Variants in ADGRE1 observed in about 807,000 individuals in gnomAD.
ADGRE1 encodes the protein EGF-like module receptor 1.
In ADGRE1, 82 loss-of-function variants were observed where a neutral mutation model predicts 102.7. That is an observed-to-expected ratio of 0.80 (90% CI 0.67 to 0.96). ADGRE1 has a LOEUF of 0.96. ADGRE1 is among the 40% of genes least tolerant of loss of function. The pLI, the probability that ADGRE1 is intolerant of heterozygous loss-of-function variation, is 0.00. For synonymous variants in ADGRE1, 398 were observed against 399.6 expected, an observed-to-expected ratio of 1.00 and a Z score of 0.05; for missense variants, 1,032 against 1,085.3, an observed-to-expected ratio of 0.95 and a Z score of 0.69.
chr19:6,907,657 A>G (rs1974018363), intron 9 of ADGRE1, among the ~76,000 whole-genome samples: 1 of 152,024 alleles, frequency 6.6e-6, no homozygotes, highest in South Asian at 2.1e-4. Context: ...GAATATTTTT[A>G]TCACTAAGCA....
At chr19:6,914,340 A>C (rs1471074627) in intron 11 of ADGRE1, among the ~76,000 whole-genome samples, 1 of 152,236 alleles carries the variant, frequency 6.6e-6, no homozygotes, top group African/African-American at 2.4e-5. Context: ...AATATAGAAC[A>C]TGGCCTCAAG....
rs756118307 is a variant in ADGRE1, at chr19:6,913,812, G to T, written c.1282G>T (p.Val428Phe). The change falls in exon 11 of 21, where the codon GTT becomes TTT. Residue 428 changes from valine (V) to phenylalanine (F), a missense_variant. By Grantham distance (50) the Val-to-Phe change is conservative. Transcript: ENST00000312053. ...WKPSANITPA[V>F]RTEYLDIESK... ...ACCCTCAGCAAATATCACTCCGGCT[G>T]TTCGGACGGAATACTTAGGTAGGAG... 6.3e-7 allele frequency: 1 copy of T among 1,599,682 alleles called. No individual in the cohort carries two copies. Among genetic ancestry groups the T allele is most frequent in the Non-Finnish European group, 8.5e-7 (1 of 1,171,946 alleles).
In ADGRE1 at chr19:6,940,081, T is replaced by C. The variant is rs549693690; in HGVS notation, c.*52T>C. ...ATGGAGCCACAGTTGAGGACAGTAGTTTCCTGCAGGAGCCTACCCTGAAAT... is the reference window on the plus strand; with the variant it reads ...ATGGAGCCACAGTTGAGGACAGTAGCTTCCTGCAGGAGCCTACCCTGAAAT... On this transcript the variant is annotated 3_prime_UTR_variant, in exon 21 of 21. Transcript: ENST00000312053. The C allele has an allele frequency of 1.9e-6, 3 of 1,599,096 alleles. No individual in the cohort carries two copies. In the African/African-American group the frequency reaches 4.0e-5, roughly 21 times the overall value.
At chr19:6,921,989 G>T (rs971584556) in intron 14 of ADGRE1, 106 bp downstream of exon 14, 13 of 1,336,038 alleles carry the variant, frequency 9.7e-6, no homozygotes, top group Non-Finnish European at 1.3e-5. Context: ...GTTGGGTGTT[G>T]TGGGATGGAG....
At position 6,928,188 on chromosome 19, in the gene ADGRE1, G is replaced by A. The variant is rs955994591; in HGVS notation, c.2266G>A (p.Gly756Arg). ...TETGFIWSFLGPVCTVIVINS... is the reference protein window; with the variant it reads ...TETGFIWSFLRPVCTVIVINS... The stretch of plus-strand genomic sequence containing the variant: ...GACAGGGTTCATCTGGAGTTTCTTG[G>A]GGCCAGTTTGCACAGTTATAGTGGT... Residue 756 changes from glycine to arginine, a missense_variant, in exon 17 of 21, where the codon GGG becomes AGG. Physicochemically the swap from Gly to Arg is moderately radical, Grantham distance 125 (BLOSUM62 -2). Coordinates refer to ENST00000312053, the MANE Select transcript of ADGRE1 (RefSeq NM_001974.5). 6.2e-7 allele frequency: 1 copy of A among 1,613,958 alleles called. No individual in the cohort carries two copies. The highest frequency in any genetic ancestry group is 1.3e-5 in the African/African-American group (1 of 74,898).
intron 10 of ADGRE1, among the ~76,000 whole-genome samples, chr19:6,911,862 TAC>T (rs1197445045): frequency 6.1e-5 from 9 of 148,704 alleles, no homozygotes; most frequent in East Asian, 2.0e-4. Context: ...TTTACACACA[TAC>T]ACACACCCCA....
chr19:6,912,691 G>T (rs981108365), intron 10 of ADGRE1, among the ~76,000 whole-genome samples: 1 of 152,120 alleles, frequency 6.6e-6, no homozygotes, highest in Non-Finnish European at 1.5e-5. Context: ...CATTTTAACA[G>T]CTGTATGGCT....
At chr19:6,933,776 G>A (rs1016900235) in intron 17 of ADGRE1, among the ~76,000 whole-genome samples, 12 of 152,116 alleles carry the variant, frequency 7.9e-5, no homozygotes, top group South Asian at 4.1e-4. Context: ...ACATCCTACC[G>A]TGCACAAGGC....
intron 14 of ADGRE1, among the ~76,000 whole-genome samples, chr19:6,922,612 TCACACACACACACACACACACA>T (rs770150909): frequency 8.1e-6 from 1 of 123,156 alleles, no homozygotes; most frequent in Non-Finnish European, 1.8e-5. Flanking sequence ...AGACTCTGTC[TCACACACACACACACACACACA>T]CACACACACA....
chr19:6,898,501 A>C, intron 5 of ADGRE1: 2 of 1,568,058 alleles, frequency 1.3e-6, no homozygotes, highest in Non-Finnish European at 1.8e-6. Context: ...TCTTGAGTGG[A>C]TATCTATCAG....
intron 16 of ADGRE1, 150 bp from the exon 17 acceptor site, chr19:6,927,995 A>G: frequency 1.0e-6 from 1 of 957,902 alleles, no homozygotes; most frequent in Non-Finnish European, 1.5e-6. Context: ...AGTGATCTAA[A>G]GGAAACTGAA....
chr19:6,919,675 T>G lies in ADGRE1; in HGVS notation c.1548T>G (p.Val516=). Residue 516 remains valine, a synonymous_variant, in exon 13 of 21, where the codon GTT becomes GTG. Transcript: ENST00000312053. ...AGCTGAAGATGAATTCTCGAGTCGT[T>G]GGGGGCATAATGACTGGAGAGAAGA... ...EIKLKMNSRV[V]GGIMTGEKKD... is the part of the protein sequence containing the mutation. The G allele has an allele frequency of 6.2e-7, 1 of 1,613,258 alleles. No individual in the cohort carries two copies. The highest frequency in any genetic ancestry group is 8.5e-7 in the Non-Finnish European group (1 of 1,179,818).
In ADGRE1 at chr19:6,919,662, A is replaced by T; in HGVS notation, c.1535A>T (p.Asn512Ile). 1 of 1,613,506 alleles carries T rather than the reference A, an allele frequency of 6.2e-7. No individual in the cohort carries two copies. The highest frequency in any genetic ancestry group is 8.5e-7 in the Non-Finnish European group (1 of 1,179,930). The change falls in exon 13 of 21, where the codon AAT (asparagine) becomes ATT (isoleucine). Residue 512 changes from asparagine (N) to isoleucine (I), a missense_variant. Coordinates refer to ENST00000312053, the MANE Select transcript of ADGRE1 (RefSeq NM_001974.5). ...LTTSEIKLKM[N>I]SRVVGGIMTG... ...ACCTCTGAGATCAAGCTGAAGATGA[A>T]TTCTCGAGTCGTTGGGGGCATAATG...
rs375313651 is a variant in ADGRE1 at position 6,928,237 on chromosome 19, C to T, written c.2289+26C>T. ...GTAAGCAAATACTACAACAGCCTGG[C>T]GAAGTGTGTTCTGAAGGAGGAGCAA... On this transcript the variant is annotated intron_variant, in intron 17 of 20. Transcript: ENST00000312053. The T allele has an allele frequency of 7.0e-5, 113 of 1,614,028 alleles. No individual in the cohort carries two copies. In the African/African-American group the frequency reaches 1.1e-3, roughly 15 times the overall value.
rs1974924085 is a variant in ADGRE1 at position 6,926,618 on chromosome 19, C to T, written c.2222+17C>T. 6.2e-7 allele frequency: 1 copy of T among 1,613,010 alleles called. No individual in the cohort carries two copies. The highest frequency in any genetic ancestry group is 8.5e-7 in the Non-Finnish European group (1 of 1,178,978). On this transcript the variant is annotated intron_variant, in intron 16 of 20. Transcript: ENST00000312053. ...GCATAATCGGTGAGTGACATCCTCTCTCTTCCTGAAGACCCTGCTGCCAGG... is the reference window on the plus strand; with the variant it reads ...GCATAATCGGTGAGTGACATCCTCTTTCTTCCTGAAGACCCTGCTGCCAGG...
chr19:6,898,172 C>T lies in ADGRE1; in HGVS notation c.514+625C>T, dbSNP rs563384404. 24 of 717,638 alleles carry T rather than the reference C, an allele frequency of 3.3e-5. No individual in the cohort carries two copies. The East Asian group carries it at 6.4e-4, about 19-fold the overall frequency. The allele number at this position is 717,638 out of a possible 1,614,324, so 44.5% of individuals were successfully genotyped here. A position where few individuals can be genotyped will look rare whatever the true frequency, so the allele number is the denominator to read the frequency against. On this transcript the variant is annotated intron_variant, in intron 5 of 20. Coordinates refer to ENST00000312053, the MANE Select transcript of ADGRE1 (RefSeq NM_001974.5). The stretch of plus-strand genomic sequence containing the variant: ...GCTCAGATTCAAGATGGGGACGTAC[C>T]TTCCATTGCTTGACAGAAGAAGTAC...
In ADGRE1 at chr19:6,924,940, A is replaced by T; in HGVS notation, c.1986+68A>T. Reference sequence around the variant, plus strand: ...TCCCCACCTGCCTCAGCTCATTCCTAGCCAACTCCCTCTATCCCTGTTCCT... The same window carrying T: ...TCCCCACCTGCCTCAGCTCATTCCTTGCCAACTCCCTCTATCCCTGTTCCT... On this transcript the variant is annotated intron_variant, in intron 15 of 20. Coordinates refer to ENST00000312053, the MANE Select transcript of ADGRE1 (RefSeq NM_001974.5). 2 of 1,532,326 alleles carry T rather than the reference A, an allele frequency of 1.3e-6. 1 individual carries two copies. Among genetic ancestry groups the T allele is most frequent in the South Asian group, 2.4e-5 (2 of 84,370 alleles). 94.9% of individuals were successfully genotyped at this position (1,532,326 alleles called of 1,614,324 possible).
intron 5 of ADGRE1, 42 bp downstream of exon 5, chr19:6,897,589 T>G (rs772224809): frequency 6.7e-7 from 1 of 1,485,018 alleles, no homozygotes; most frequent in South Asian, 1.5e-5. Flanking sequence ...ACTTAATTAA[T>G]TAAGGGTCAT....
At chr19:6,899,389 T>G (rs1973686069) in intron 5 of ADGRE1, among the ~76,000 whole-genome samples, 1 of 152,100 alleles carries the variant, frequency 6.6e-6, no homozygotes, top group African/African-American at 2.4e-5. Flanking sequence ...TGGAAAAACC[T>G]TATTCTGGGC....
Sources: allele counts gnomAD v4.1 joint callset (sites outside exome capture counted in the v4.1 genomes callset), GRCh38; gene constraint gnomAD v4.1.1; transcripts MANE v1.5; gene names NCBI Gene and HGNC (gene_info 2026-07-23, HGNC 2026-07-21).